Variants in AK5 observed in about 807,000 individuals in gnomAD.
AK5 encodes adenylate kinase 5.
A neutral mutation model predicts 69.5 loss-of-function variants in AK5; 27 were observed. That is an observed-to-expected ratio of 0.39 (90% CI 0.29 to 0.54). The LOEUF is 0.54. Ranked by LOEUF, AK5 falls within the 20% of genes least tolerant of loss-of-function variation. AK5 has a pLI of 0.71. For synonymous variants in AK5, 260 were observed against 244.4 expected (o/e 1.06, Z -0.60); for missense variants, 531 against 700.4 (o/e 0.76, Z 2.73).
intron 8 of AK5, among the ~76,000 whole-genome samples, chr1:77,474,577 A>T (rs1570209927): frequency 1.3e-5 from 2 of 152,158 alleles, no homozygotes; most frequent in East Asian, 3.9e-4. Context: ...GGCTGCAGGG[A>T]AAGCATTAAT....
chr1:77,337,642 C>T (rs559906052), intron 5 of AK5, among the ~76,000 whole-genome samples: 8 of 152,046 alleles, frequency 5.3e-5, no homozygotes, highest in Non-Finnish European at 1.0e-4. Context: ...ATCTCTTTAT[C>T]ATATATCATA....
chr1:77,419,058 A>G (rs1650630636), intron 8 of AK5, among the ~76,000 whole-genome samples: 1 of 152,194 alleles, frequency 6.6e-6, no homozygotes, highest in Non-Finnish European at 1.5e-5. Context: ...AGACAAAAAA[A>G]AAAAGGACTA....
chr1:77,478,749 G>T (rs1210206963), intron 8 of AK5, among the ~76,000 whole-genome samples: 1 of 152,116 alleles, frequency 6.6e-6, no homozygotes, highest in Non-Finnish European at 1.5e-5. Flanking sequence ...AGACTAAGTT[G>T]TTCTATTTTG....
At chr1:77,443,671 G>A (rs1182938240) in intron 8 of AK5, among the ~76,000 whole-genome samples, 1 of 136,868 alleles carries the variant, frequency 7.3e-6, no homozygotes. Context: ...GTTTACTGTG[G>A]GGAGTCTGTG....
chr1:77,325,633 C>A (rs1660764066), intron 5 of AK5, among the ~76,000 whole-genome samples: 1 of 152,098 alleles, frequency 6.6e-6, no homozygotes, highest in Admixed American at 6.6e-5. Flanking sequence ...CATTTTGGGA[C>A]TATATTCCAA....
intron 6 of AK5, among the ~76,000 whole-genome samples, chr1:77,377,272 A>G (rs1442504016): frequency 6.6e-6 from 1 of 152,220 alleles, no homozygotes; most frequent in African/African-American, 2.4e-5. Context: ...GACTGAATTT[A>G]TAGTTTCTTC....
chr1:77,558,790 A>C lies in AK5; in HGVS notation c.*120A>C. On this transcript the variant is annotated 3_prime_UTR_variant, in exon 14 of 14. Transcript: ENST00000354567. Reference sequence around the variant, plus strand: ...GCCCCCACCAACCACCACCTCCTAAATCCTGACAGCACTGTTTGCTTCCCA... The same window carrying C: ...GCCCCCACCAACCACCACCTCCTAACTCCTGACAGCACTGTTTGCTTCCCA... The C allele has an allele frequency of 1.4e-6, 1 of 694,950 alleles. No individual in the cohort carries two copies. Among genetic ancestry groups the C allele is most frequent in the Admixed American group, 2.4e-5 (1 of 41,912 alleles). 43.0% of individuals were successfully genotyped at this position (694,950 alleles called of 1,614,324 possible). A position where few individuals can be genotyped will look rare whatever the true frequency, so the allele number is the denominator to read the frequency against.
chr1:77,381,962 A>C lies in AK5; in HGVS notation c.892-29019A>C, dbSNP rs1647665127. On this transcript the variant is annotated intron_variant, in intron 6 of 13. Coordinates refer to ENST00000354567, the MANE Select transcript of AK5 (RefSeq NM_174858.3). Reference sequence around the variant, plus strand: ...TATTGCTTGCCAGACCTCCTCCGCCATGCACATGCCACACCCCTCCACCCA... The same window carrying C: ...TATTGCTTGCCAGACCTCCTCCGCCCTGCACATGCCACACCCCTCCACCCA... 2.0e-5 allele frequency among the ~76,000 whole-genome samples: 3 copies of C among 152,170 alleles called. No homozygotes were observed. In the South Asian group the frequency reaches 6.2e-4, roughly 32 times the overall value.
At chr1:77,520,301 G>T (rs1020157344) in intron 11 of AK5, among the ~76,000 whole-genome samples, 1 of 151,896 alleles carries the variant, frequency 6.6e-6, no homozygotes, top group Non-Finnish European at 1.5e-5. Flanking sequence ...AGATGGAGTT[G>T]CTCTGGTTCA....
At chr1:77,303,758 T>C (rs1415095327) in intron 5 of AK5, among the ~76,000 whole-genome samples, 1 of 152,242 alleles carries the variant, frequency 6.6e-6, no homozygotes, top group Non-Finnish European at 1.5e-5. Flanking sequence ...ATTGTAGACA[T>C]CTGCATGTTG....
At chr1:77,283,459 T>A in intron 1 of AK5, 1 of 985,426 alleles carries the variant, frequency 1.0e-6, no homozygotes, top group Non-Finnish European at 1.2e-6. Flanking sequence ...GGATTTGTTC[T>A]GTTAAAAGGA....
chr1:77,303,319 A>G (rs947598598), intron 5 of AK5, among the ~76,000 whole-genome samples: 7 of 152,242 alleles, frequency 4.6e-5, no homozygotes, highest in African/African-American at 1.7e-4. Flanking sequence ...TATATGTGCT[A>G]TATCTATTGA....
intron 6 of AK5, among the ~76,000 whole-genome samples, chr1:77,385,621 G>A (rs898316387): frequency 9.9e-5 from 15 of 152,182 alleles, no homozygotes; most frequent in African/African-American, 3.6e-4. Context: ...TTTGAGGAAA[G>A]CTTTCAATAT....
intron 8 of AK5, among the ~76,000 whole-genome samples, chr1:77,475,665 C>T (rs1654896835): frequency 6.6e-6 from 1 of 150,404 alleles, no homozygotes; most frequent in South Asian, 2.1e-4. Context: ...GTGACTGAAG[C>T]TCAGCTTTGC....
At chr1:77,322,420 T>TGC (rs1286270322) in intron 5 of AK5, among the ~76,000 whole-genome samples, 1 of 152,182 alleles carries the variant, frequency 6.6e-6, no homozygotes, top group Non-Finnish European at 1.5e-5. Flanking sequence ...AGGTGACTGG[T>TGC]GGTTCCTCCC....
At chr1:77,355,244 A>G (rs1662433601) in intron 6 of AK5, among the ~76,000 whole-genome samples, 1 of 152,218 alleles carries the variant, frequency 6.6e-6, no homozygotes, top group Admixed American at 6.5e-5. Flanking sequence ...ACTGCAGCGT[A>G]CTTGTGATTG....
chr1:77,306,852 T>C (rs530766387), intron 5 of AK5, among the ~76,000 whole-genome samples: 1 of 152,262 alleles, frequency 6.6e-6, no homozygotes, highest in East Asian at 1.9e-4. Context: ...GTTCATTTCT[T>C]CTAGATTTCC....
intron 13 of AK5, among the ~76,000 whole-genome samples, chr1:77,557,621 C>T (rs1037622097): frequency 2.6e-5 from 4 of 152,254 alleles, no homozygotes; most frequent in East Asian, 3.9e-4. Context: ...CTACACACTG[C>T]GGTCCTAGTC....
chr1:77,283,549 G>C, intron 1 of AK5: 1 of 985,340 alleles, frequency 1.0e-6, no homozygotes, highest in Non-Finnish European at 1.2e-6. Context: ...ATAATTACAG[G>C]TCTTCTTTTC....
Sources: gnomAD v4.1 joint callset for allele counts (sites outside exome capture counted in the v4.1 genomes callset) on GRCh38, gnomAD v4.1.1 for gene constraint, MANE v1.5 for transcripts, NCBI Gene and HGNC (gene_info 2026-07-23, HGNC 2026-07-21) for gene names.